GRIA1: variants seen among roughly 807,000 people sequenced by gnomAD.
GRIA1 encodes the protein glutamate ionotropic receptor AMPA type subunit 1.
GRIA1 carries 31 observed loss-of-function variants against 99.2 expected under a neutral mutation model. The ratio of observed to expected loss-of-function variants is 0.31; its 90% CI spans 0.23 to 0.42. The LOEUF (loss-of-function observed/expected upper bound fraction) is 0.42. Ranked by LOEUF, GRIA1 falls within the 10% of genes least tolerant of loss-of-function variation. GRIA1 has a pLI of 1.00. For synonymous variants in GRIA1, 438 were observed against 432.4 expected, an observed-to-expected ratio of 1.01 and a Z score of -0.16; for missense variants, 782 against 1,157.5, an observed-to-expected ratio of 0.68 and a Z score of 4.71.
At chr5:153,514,275 C>G (rs905708756) in intron 2 of GRIA1, among the ~76,000 whole-genome samples, 5 of 152,224 alleles carry the variant, frequency 3.3e-5, no homozygotes, top group African/African-American at 1.2e-4. Flanking sequence ...AGACCAATGT[C>G]ACATGGTTTT....
Position 153,519,031 on chromosome 5 carries a change from G to A in GRIA1, c.220+24966G>A, listed in dbSNP as rs202185149. On this transcript the variant is annotated intron_variant, in intron 2 of 15. Transcript: ENST00000285900. ...TGTAATCCCAGCACTTTGGGAGGCC[G>A]AGGTGGGCAGATCACAAGGTCAGGA... 5.0e-4 allele frequency among the ~76,000 whole-genome samples: 76 copies of A among 152,288 alleles called. 2 individuals carry two copies. In the East Asian group the frequency reaches 9.5e-3, roughly 19 times the overall value.
At chr5:153,652,425 G>A (rs1230223318) in intron 4 of GRIA1, among the ~76,000 whole-genome samples, 2 of 152,082 alleles carry the variant, frequency 1.3e-5, no homozygotes, top group African/African-American at 4.8e-5. Context: ...TTGTAAAACA[G>A]CTTTTTTCAA....
intron 2 of GRIA1, among the ~76,000 whole-genome samples, chr5:153,559,625 A>G (rs1760947816): frequency 6.6e-6 from 1 of 152,222 alleles, no homozygotes; most frequent in African/African-American, 2.4e-5. Flanking sequence ...AACTGGCAGC[A>G]CAGTAGGTTT....
intron 7 of GRIA1, among the ~76,000 whole-genome samples, chr5:153,684,010 C>A (rs1757173428): frequency 1.3e-5 from 2 of 152,264 alleles, no homozygotes; most frequent in African/African-American, 4.8e-5. Context: ...CACAATAGCA[C>A]TGGCCTGTGT....
At chr5:153,723,926 C>T (rs550879020) in intron 11 of GRIA1, among the ~76,000 whole-genome samples, 35 of 152,310 alleles carry the variant, frequency 2.3e-4, no homozygotes, top group South Asian at 2.1e-3. Context: ...GATCTGAGAA[C>T]GGGCAGACTG....
intron 11 of GRIA1, among the ~76,000 whole-genome samples, chr5:153,726,471 C>A: frequency 6.7e-6 from 1 of 148,998 alleles, no homozygotes; most frequent in Admixed American, 6.7e-5. Flanking sequence ...TTGAAAGGAT[C>A]AACAAAATTG....
chr5:153,653,350 G>T (rs965786925), intron 4 of GRIA1, among the ~76,000 whole-genome samples: 75 of 152,284 alleles, frequency 4.9e-4, no homozygotes, highest in African/African-American at 1.8e-3. Flanking sequence ...AGTTTTGCAG[G>T]CTGAGTGATG....
chr5:153,634,981 G>T (rs1285429405), intron 2 of GRIA1, among the ~76,000 whole-genome samples: 1 of 152,134 alleles, frequency 6.6e-6, no homozygotes, highest in Non-Finnish European at 1.5e-5. Flanking sequence ...CACTTCCTCA[G>T]TGGATAAATC....
intron 2 of GRIA1, among the ~76,000 whole-genome samples, chr5:153,546,222 G>A (rs1759603716): frequency 6.6e-6 from 1 of 152,202 alleles, no homozygotes; most frequent in Non-Finnish European, 1.5e-5. Flanking sequence ...CAAGAAGGAA[G>A]AGTTGAAGAA....
At chr5:153,498,496 A>T (rs1282198012) in intron 2 of GRIA1, among the ~76,000 whole-genome samples, 1 of 152,174 alleles carries the variant, frequency 6.6e-6, no homozygotes, top group East Asian at 1.9e-4. Flanking sequence ...TCAGAGCCTC[A>T]ATGACAATAG....
chr5:153,668,389 A>AT (rs1306564905), intron 5 of GRIA1, among the ~76,000 whole-genome samples: 1 of 152,110 alleles, frequency 6.6e-6, no homozygotes, highest in Non-Finnish European at 1.5e-5. Context: ...GCTAAGAATG[A>AT]TTTTTTACAT....
chr5:153,809,591 A>G (rs761076041), intron 15 of GRIA1, among the ~76,000 whole-genome samples: 10 of 152,252 alleles, frequency 6.6e-5, no homozygotes, highest in Non-Finnish European at 1.5e-4. Flanking sequence ...TATGTCAGAG[A>G]GGAAGTCATA....
intron 11 of GRIA1, among the ~76,000 whole-genome samples, chr5:153,760,287 T>C (rs969162530): frequency 1.3e-5 from 2 of 152,048 alleles, no homozygotes; most frequent in African/African-American, 4.8e-5. Context: ...ATCTTCTCTA[T>C]AGAAAACCCT....
chr5:153,724,833 A>C (rs916246248), intron 11 of GRIA1, among the ~76,000 whole-genome samples: 13 of 152,226 alleles, frequency 8.5e-5, no homozygotes, highest in Admixed American at 8.5e-4. Flanking sequence ...GCAGGATATT[A>C]TCCAGGAGAA....
At chr5:153,584,969 T>A (rs1248973134) in intron 2 of GRIA1, among the ~76,000 whole-genome samples, 1 of 152,110 alleles carries the variant, frequency 6.6e-6, no homozygotes, top group Non-Finnish European at 1.5e-5. Context: ...AAGGAAAGGG[T>A]CTTCCTTGTG....
At chr5:153,768,184 C>T (rs771156972) in intron 12 of GRIA1, among the ~76,000 whole-genome samples, 7 of 152,170 alleles carry the variant, frequency 4.6e-5, no homozygotes, top group Non-Finnish European at 8.8e-5. Context: ...ATTGGCAGAC[C>T]TTATGATTAG....
intron 11 of GRIA1, among the ~76,000 whole-genome samples, chr5:153,732,638 G>T (rs1417626569): frequency 1.4e-5 from 2 of 146,634 alleles, no homozygotes; most frequent in Non-Finnish European, 3.0e-5. Flanking sequence ...CCCTTATTGG[G>T]TATATGGTTT....
At chr5:153,585,736 G>A (rs13155429) in intron 2 of GRIA1, among the ~76,000 whole-genome samples, 99,297 of 151,910 alleles carry the variant, frequency 0.65, 34,287 homozygotes, top group East Asian at 0.92. Context: ...TCCTCTTCCC[G>A]TCCTCATTTC....
Position 153,585,312 on chromosome 5 carries a change from T to G in GRIA1, c.221-61616T>G, listed in dbSNP as rs867874855. 9.4e-4 allele frequency among the ~76,000 whole-genome samples: 128 copies of G among 136,788 alleles called. 2 individuals carry two copies. The highest frequency in any genetic ancestry group is 3.5e-3 in the Middle Eastern group (1 of 282). The allele number at this position is 136,788 out of a possible 152,430, so 89.7% of individuals were successfully genotyped here. A position where few individuals can be genotyped will look rare whatever the true frequency, so the allele number is the denominator to read the frequency against. On this transcript the variant is annotated intron_variant, in intron 2 of 15. Coordinates refer to ENST00000285900, the MANE Select transcript of GRIA1 (RefSeq NM_000827.4). ...CTTTCTCTCTCTCTTTTTTTTTTTTTTTTTTTTTTTTTTTGAGACAGACTC... is the reference window on the plus strand; with the variant it reads ...CTTTCTCTCTCTCTTTTTTTTTTTTGTTTTTTTTTTTTTTGAGACAGACTC...
Sources: allele counts gnomAD v4.1 joint callset (sites outside exome capture counted in the v4.1 genomes callset), GRCh38; gene constraint gnomAD v4.1.1; transcripts MANE v1.5; gene names NCBI Gene and HGNC (gene_info 2026-07-23, HGNC 2026-07-21).